DNM3: variants seen among roughly 807,000 people sequenced by gnomAD.
The protein encoded by DNM3 is dynamin 3, also known as dynamin-3.
In DNM3, 47 loss-of-function variants were observed where a neutral mutation model predicts 101.6. The ratio of observed to expected loss-of-function variants is 0.46; its 90% CI spans 0.37 to 0.59. The LOEUF is 0.59. Ranked by LOEUF, DNM3 falls within the 20% of genes least tolerant of loss-of-function variation. The pLI, the probability that DNM3 is intolerant of heterozygous loss-of-function variation, is 0.00. For synonymous variants in DNM3, 385 were observed against 387.9 expected (o/e 0.99, Z 0.09); for missense variants, 849 against 1,085.7 (o/e 0.78, Z 3.06).
chr1:172,398,908 T>C (rs1227791173), intron 20 of DNM3, among the ~76,000 whole-genome samples: 4 of 152,234 alleles, frequency 2.6e-5, no homozygotes, highest in African/African-American at 9.6e-5. Context: ...AAGTTTGACT[T>C]CTTGTTGGCA....
At position 172,325,241 on chromosome 1, in the gene DNM3, TCA is replaced by T. The variant is rs905722670; in HGVS notation, c.1893+1902_1893+1903del. On this transcript the variant is annotated intron_variant, in intron 17 of 20. Transcript: ENST00000627582. ...TCCCTAGGATGATGCAGAAGGCTCT[TCA>T]GGGTCTCCAGCTGCCCTCGGTCACC... Among the ~76,000 whole-genome samples the T allele has an allele frequency of 1.4e-4, 21 of 152,310 alleles. 1 individual carries two copies. Among genetic ancestry groups the T allele is most frequent in the African/African-American group, 4.8e-4 (20 of 41,570 alleles).
At chr1:172,162,175 G>A (rs1160688924) in intron 14 of DNM3, among the ~76,000 whole-genome samples, 3 of 152,028 alleles carry the variant, frequency 2.0e-5, no homozygotes, top group Non-Finnish European at 2.9e-5. Flanking sequence ...TTGTCATTGA[G>A]AAACAATGTG....
chr1:171,861,897 A>G (rs2034213005), intron 1 of DNM3, among the ~76,000 whole-genome samples: 1 of 152,160 alleles, frequency 6.6e-6, no homozygotes, highest in Non-Finnish European at 1.5e-5. Context: ...CAACAATAAA[A>G]AGACAAATAA....
intron 14 of DNM3, among the ~76,000 whole-genome samples, chr1:172,163,473 C>T (rs113786090): frequency 0.15 from 23,527 of 151,848 alleles, 2,503 homozygotes; most frequent in African/African-American, 0.3. Context: ...CTCTTGACCT[C>T]GTGATCTGCC....
At chr1:171,876,100 C>T (rs890585560) in intron 1 of DNM3, among the ~76,000 whole-genome samples, 2 of 151,916 alleles carry the variant, frequency 1.3e-5, no homozygotes, top group South Asian at 2.1e-4. Context: ...TGAGCCACTG[C>T]GCCTGGCCAA....
At chr1:172,048,402 C>T (rs763977477) in intron 9 of DNM3, among the ~76,000 whole-genome samples, 4 of 151,988 alleles carry the variant, frequency 2.6e-5, no homozygotes, top group African/African-American at 9.7e-5. Flanking sequence ...TTTATTGCTG[C>T]GAAACAGCAA....
chr1:171,859,171 C>A (rs1349743873), intron 1 of DNM3, among the ~76,000 whole-genome samples: 1 of 152,098 alleles, frequency 6.6e-6, no homozygotes, highest in Non-Finnish European at 1.5e-5. Flanking sequence ...GTGTAGCATA[C>A]CCCCTAGACA....
At chr1:172,042,961 G>C (rs1275969269) in intron 8 of DNM3, among the ~76,000 whole-genome samples, 1 of 152,140 alleles carries the variant, frequency 6.6e-6, no homozygotes, top group South Asian at 2.1e-4. Flanking sequence ...GGCCAGACCA[G>C]GGGTGGATTC....
At chr1:172,259,000 TGACTC>T (rs2062535646) in intron 15 of DNM3, among the ~76,000 whole-genome samples, 1 of 152,088 alleles carries the variant, frequency 6.6e-6, no homozygotes, top group South Asian at 2.1e-4. Flanking sequence ...ATTTTTCTCT[TGACTC>T]AATTGTGATT....
chr1:171,990,547 A>G (rs1397362361), intron 4 of DNM3, among the ~76,000 whole-genome samples: 2 of 152,084 alleles, frequency 1.3e-5, no homozygotes, highest in Admixed American at 1.3e-4. Context: ...ACTTTTAATT[A>G]ATTCCTCTGC....
At chr1:172,247,194 G>A (rs2061986835) in intron 14 of DNM3, among the ~76,000 whole-genome samples, 1 of 152,086 alleles carries the variant, frequency 6.6e-6, no homozygotes, top group African/African-American at 2.4e-5. Flanking sequence ...CACGTTTTTG[G>A]TGCGGATGTG....
intron 17 of DNM3, among the ~76,000 whole-genome samples, chr1:172,328,255 T>C (rs2066022741): frequency 6.6e-6 from 1 of 152,192 alleles, no homozygotes; most frequent in Non-Finnish European, 1.5e-5. Context: ...TTTCAACATA[T>C]TTGCTCTCAC....
intron 14 of DNM3, among the ~76,000 whole-genome samples, chr1:172,243,297 G>A (rs533489428): frequency 1.3e-3 from 193 of 152,188 alleles, no homozygotes; most frequent in African/African-American, 4.5e-3. Context: ...GGAGGAAAGG[G>A]GAATGTGCAT....
intron 17 of DNM3, among the ~76,000 whole-genome samples, chr1:172,339,536 G>C (rs1573527085): frequency 6.6e-6 from 1 of 152,126 alleles, no homozygotes; most frequent in East Asian, 1.9e-4. Context: ...AGCACCCAGA[G>C]GTGTAACAAA....
At chr1:172,141,632 T>G (rs890151842) in intron 14 of DNM3, among the ~76,000 whole-genome samples, 11 of 152,192 alleles carry the variant, frequency 7.2e-5, no homozygotes, top group African/African-American at 2.2e-4. Context: ...TTCGTTAGGA[T>G]TTTTATGCCT....
chr1:172,032,259 T>C, intron 4 of DNM3, 143 bp from the exon 5 acceptor site: 1 of 643,588 alleles, frequency 1.6e-6, no homozygotes, highest in Admixed American at 2.7e-5. Context: ...CAAACTCAAG[T>C]AGCACTTAGA....
chr1:172,342,655 G>A (rs1164816794), intron 17 of DNM3, among the ~76,000 whole-genome samples: 1 of 151,878 alleles, frequency 6.6e-6, no homozygotes, highest in African/African-American at 2.4e-5. Flanking sequence ...ACCTATTGTT[G>A]GTACACCAAA....
intron 19 of DNM3, 126 bp downstream of exon 19, chr1:172,387,485 G>A: frequency 1.3e-6 from 1 of 770,872 alleles, no homozygotes; most frequent in Non-Finnish European, 2.1e-6. Flanking sequence ...GTGAAACCCT[G>A]TCTCTACTAA....
At chr1:172,314,673 G>GTT (rs1480723490) in intron 16 of DNM3, among the ~76,000 whole-genome samples, 1 of 152,206 alleles carries the variant, frequency 6.6e-6, no homozygotes, top group East Asian at 1.9e-4. Flanking sequence ...CAAGGTGGCA[G>GTT]CGAGGCTGAG....
Sources: allele counts gnomAD v4.1 joint callset (sites outside exome capture counted in the v4.1 genomes callset), GRCh38; gene constraint gnomAD v4.1.1; transcripts MANE v1.5; gene names NCBI Gene and HGNC (gene_info 2026-07-23, HGNC 2026-07-21).